Variants in TSHZ2 observed in about 807,000 individuals in gnomAD.
TSHZ2 encodes the protein teashirt homolog 2.
Under a neutral mutation model 74.4 loss-of-function variants are expected in TSHZ2, and 21 were observed. The observed-to-expected ratio is 0.28, with a 90% CI of 0.20 to 0.41. The LOEUF is 0.41. Among genes scored for constraint, TSHZ2 ranks in the 10% least tolerant of loss-of-function variants. TSHZ2 has a pLI of 1.00. For missense variants in TSHZ2, 1,244 were observed against 1,293.5 expected, an observed-to-expected ratio of 0.96 and a Z score of 0.59; for synonymous variants, 540 against 515.3, an observed-to-expected ratio of 1.05 and a Z score of -0.65.
intron 2 of TSHZ2, among the ~76,000 whole-genome samples, chr20:53,441,466 T>G (rs1018497293): frequency 6.6e-6 from 1 of 151,918 alleles, no homozygotes; most frequent in Non-Finnish European, 1.5e-5. Context: ...TTTTTGTATT[T>G]TTAGTAGAAA....
At chr20:52,977,341 C>T (rs1600625679) in intron 1 of TSHZ2, among the ~76,000 whole-genome samples, 1 of 152,098 alleles carries the variant, frequency 6.6e-6, no homozygotes, top group South Asian at 2.1e-4. Flanking sequence ...GACAAGTTCA[C>T]ATCTTGAATA....
intron 1 of TSHZ2, among the ~76,000 whole-genome samples, chr20:53,170,662 C>A (rs1320367513): frequency 6.6e-6 from 1 of 152,202 alleles, no homozygotes; most frequent in African/African-American, 2.4e-5. Context: ...GCAAATGTAA[C>A]CCCAGTTGTG....
At chr20:53,041,467 A>T (rs1429998386) in intron 1 of TSHZ2, among the ~76,000 whole-genome samples, 2 of 152,180 alleles carry the variant, frequency 1.3e-5, no homozygotes. Context: ...CTGATCCGCC[A>T]GTTCTGGGTC....
rs1207820116 is a variant in TSHZ2, at chr20:53,494,352, T to A, written c.*7217T>A. The A allele has an allele frequency of 6.6e-6, 1 of 151,552 alleles. No individual in the cohort carries two copies. Among genetic ancestry groups the A allele is most frequent in the East Asian group, 1.9e-4 (1 of 5,182 alleles). 9.4% of individuals were successfully genotyped at this position (151,552 alleles called of 1,614,324 possible). A position where few individuals can be genotyped will look rare whatever the true frequency, so the allele number is the denominator to read the frequency against. ...CCTTTCCTGTCCTGTGGTGCCACCA[T>A]CCTGTCCTCCTTCGTAATCATGAAC... On this transcript the variant is annotated 3_prime_UTR_variant, in exon 3 of 3. Transcript: ENST00000371497.
chr20:53,203,462 TTC>T (rs1291880837), intron 1 of TSHZ2, among the ~76,000 whole-genome samples: 4 of 152,034 alleles, frequency 2.6e-5, no homozygotes, highest in African/African-American at 9.7e-5. Context: ...AAATTTTAAG[TTC>T]TGTTTTGAGG....
intron 2 of TSHZ2, among the ~76,000 whole-genome samples, chr20:53,345,340 G>A (rs948338603): frequency 1.3e-5 from 2 of 152,022 alleles, no homozygotes; most frequent in African/African-American, 4.8e-5. Context: ...TTAGACACCT[G>A]GAAATAGCTC....
At chr20:53,251,655 A>G (rs1163833120) in intron 1 of TSHZ2, among the ~76,000 whole-genome samples, 2 of 152,208 alleles carry the variant, frequency 1.3e-5, no homozygotes, top group Non-Finnish European at 2.9e-5. Context: ...ACACCACACC[A>G]ATAGCAGTAA....
At chr20:53,145,483 T>C (rs1023815170) in intron 1 of TSHZ2, among the ~76,000 whole-genome samples, 5 of 152,158 alleles carry the variant, frequency 3.3e-5, no homozygotes, top group African/African-American at 1.2e-4. Flanking sequence ...GAAACCCTAA[T>C]AGCAGAGTGG....
In TSHZ2 at chr20:53,114,926, G is replaced by A. The variant is rs559580296; in HGVS notation, c.41-138573G>A. Reference sequence around the variant, plus strand: ...GCCCACCAATTCTGAGGGTGGACCTGAGAGGCAGGAAAAAACTTGGGTTGG... The same window carrying A: ...GCCCACCAATTCTGAGGGTGGACCTAAGAGGCAGGAAAAAACTTGGGTTGG... On this transcript the variant is annotated intron_variant, in intron 1 of 2. Coordinates refer to ENST00000371497, the MANE Select transcript of TSHZ2 (RefSeq NM_173485.6). 5.3e-5 allele frequency among the ~76,000 whole-genome samples: 8 copies of A among 152,300 alleles called. No individual in the cohort carries two copies. The East Asian group carries it at 1.5e-3, about 29-fold the overall frequency.
At chr20:53,073,366 C>T (rs1293331706) in intron 1 of TSHZ2, among the ~76,000 whole-genome samples, 1 of 146,562 alleles carries the variant, frequency 6.8e-6, no homozygotes, top group Non-Finnish European at 1.5e-5. Flanking sequence ...CTGTCCCTCC[C>T]TCCCTCCCTC....
chr20:53,017,572 A>G (rs957699739), intron 1 of TSHZ2, among the ~76,000 whole-genome samples: 2 of 152,130 alleles, frequency 1.3e-5, no homozygotes, highest in African/African-American at 4.8e-5. Flanking sequence ...AAAAATAGTC[A>G]AGTTTTTAAA....
intron 1 of TSHZ2, among the ~76,000 whole-genome samples, chr20:53,080,725 C>G (rs1338927183): frequency 1.3e-5 from 2 of 152,196 alleles, no homozygotes; most frequent in African/African-American, 2.4e-5. Flanking sequence ...CACCGCTCAC[C>G]TCCTGCTATT....
chr20:53,305,843 C>T (rs573099048), intron 2 of TSHZ2, among the ~76,000 whole-genome samples: 8 of 152,010 alleles, frequency 5.3e-5, no homozygotes, highest in South Asian at 2.1e-4. Context: ...CCAGGCATGG[C>T]GGTGTGCACC....
intron 2 of TSHZ2, among the ~76,000 whole-genome samples, chr20:53,327,500 G>C (rs1213903695): frequency 6.6e-6 from 1 of 152,132 alleles, no homozygotes; most frequent in Non-Finnish European, 1.5e-5. Context: ...AAAGAAAAAA[G>C]AAATGACAAA....
chr20:53,298,104 C>CA (rs1991414951), intron 2 of TSHZ2, among the ~76,000 whole-genome samples: 1 of 152,126 alleles, frequency 6.6e-6, no homozygotes, highest in Admixed American at 6.5e-5. Context: ...CTTCTTGACC[C>CA]AAAATCTGTA....
chr20:52,992,008 C>T (rs182592714), intron 1 of TSHZ2, among the ~76,000 whole-genome samples: 16 of 152,290 alleles, frequency 1.1e-4, no homozygotes, highest in Non-Finnish European at 2.2e-4. Context: ...CTGGTCATGG[C>T]TTGGTTAGAG....
At chr20:53,351,116 C>T (rs1980629426) in intron 2 of TSHZ2, among the ~76,000 whole-genome samples, 1 of 152,226 alleles carries the variant, frequency 6.6e-6, no homozygotes, top group African/African-American at 2.4e-5. Context: ...GGGATATTTG[C>T]ATTTGATCAC....
At chr20:53,230,189 ATC>A (rs1989790972) in intron 1 of TSHZ2, among the ~76,000 whole-genome samples, 2 of 152,134 alleles carry the variant, frequency 1.3e-5, no homozygotes, top group Non-Finnish European at 2.9e-5. Flanking sequence ...TATTGATGAT[ATC>A]TCTCTATACT....
chr20:53,301,731 C>G (rs977443927), intron 2 of TSHZ2, among the ~76,000 whole-genome samples: 1 of 152,174 alleles, frequency 6.6e-6, no homozygotes, highest in Non-Finnish European at 1.5e-5. Flanking sequence ...AACTTTAACC[C>G]GCTCATCCCT....
Sources: gnomAD v4.1 joint callset for allele counts (sites outside exome capture counted in the v4.1 genomes callset) on GRCh38, gnomAD v4.1.1 for gene constraint, MANE v1.5 for transcripts, NCBI Gene and HGNC (gene_info 2026-07-23, HGNC 2026-07-21) for gene names.